Variants in SPAG16 observed in about 807,000 individuals in gnomAD.
SPAG16 encodes the protein sperm-associated antigen 16 protein.
A neutral mutation model predicts 80.4 loss-of-function variants in SPAG16; 86 were observed. That is an observed-to-expected ratio of 1.07 (90% confidence interval 0.90 to 1.28). SPAG16 has a LOEUF of 1.28. Ranked by LOEUF, SPAG16 falls within the 50% of genes most tolerant of loss-of-function variation. The pLI, the probability that SPAG16 is intolerant of heterozygous loss-of-function variation, is 0.00. For synonymous variants in SPAG16, 294 were observed against 265.9 expected (o/e 1.11, Z -1.03); for missense variants, 870 against 765.3 (o/e 1.14, Z -1.61).
At chr2:214,139,937 A>C (rs1366646373) in intron 14 of SPAG16, among the ~76,000 whole-genome samples, 1 of 152,202 alleles carries the variant, frequency 6.6e-6, no homozygotes, top group African/African-American at 2.4e-5. Flanking sequence ...CTAACTAAAA[A>C]ATCCCAAAAC....
intron 12 of SPAG16, among the ~76,000 whole-genome samples, chr2:214,011,621 G>A (rs927919536): frequency 2.0e-5 from 3 of 152,170 alleles, no homozygotes; most frequent in Non-Finnish European, 4.4e-5. Flanking sequence ...GTCAGTTCTG[G>A]GTCGTGGTTT....
Position 214,333,693 on chromosome 2 carries a change from C to G in SPAG16, c.1721-76447C>G, listed in dbSNP as rs140877989. ...TTAGGTAACATACCACTCTGCCATCCCCACACTGAGACTTGGAGGTCAGAC... is the reference window on the plus strand; with the variant it reads ...TTAGGTAACATACCACTCTGCCATCGCCACACTGAGACTTGGAGGTCAGAC... On this transcript the variant is annotated intron_variant, in intron 15 of 15. Transcript: ENST00000331683. Among the ~76,000 whole-genome samples, 18 of 152,276 alleles carry G rather than the reference C, an allele frequency of 1.2e-4. No homozygotes were observed. The East Asian group carries it at 3.1e-3, about 26-fold the overall frequency.
chr2:214,190,851 G>A (rs1029730982), intron 15 of SPAG16, among the ~76,000 whole-genome samples: 2 of 152,122 alleles, frequency 1.3e-5, no homozygotes, highest in South Asian at 4.1e-4. Flanking sequence ...CCAGCCTCCA[G>A]AACTGTGAGA....
In SPAG16 at chr2:213,966,161, G is replaced by C. The variant is rs1401215460; in HGVS notation, c.1400+36016G>C. On this transcript the variant is annotated intron_variant, in intron 12 of 15. Coordinates refer to ENST00000331683, the MANE Select transcript of SPAG16 (RefSeq NM_024532.5). ...AGCACTAGACTGGGCTCTGGGAGAA[G>C]ATGGAGACACATCTTCTTGGTTGTA... Among the ~76,000 whole-genome samples the C allele has an allele frequency of 2.0e-5, 3 of 152,160 alleles. No individual in the cohort carries two copies. In the East Asian group the frequency reaches 5.8e-4, roughly 29 times the overall value.
chr2:214,373,603 A>G (rs77568514), intron 15 of SPAG16, among the ~76,000 whole-genome samples: 521 of 152,276 alleles, frequency 3.4e-3, no homozygotes, highest in Middle Eastern at 0.017. Flanking sequence ...AAAGACCCCA[A>G]TCTATCAGAA....
chr2:213,787,679 A>G (rs1559469115), intron 10 of SPAG16, among the ~76,000 whole-genome samples: 1 of 152,052 alleles, frequency 6.6e-6, no homozygotes, highest in Non-Finnish European at 1.5e-5. Context: ...GATTTGTTTT[A>G]TTATTAAATT....
chr2:213,463,747 C>G (rs1281675627), intron 9 of SPAG16, among the ~76,000 whole-genome samples: 6 of 152,188 alleles, frequency 3.9e-5, no homozygotes, highest in Non-Finnish European at 2.9e-5. Flanking sequence ...TGGAGAAACT[C>G]TGCTAGGGGA....
chr2:213,749,079 G>A (rs1236046101), intron 10 of SPAG16, among the ~76,000 whole-genome samples: 2 of 152,042 alleles, frequency 1.3e-5, no homozygotes, highest in Non-Finnish European at 2.9e-5. Flanking sequence ...CCCGGGAGGC[G>A]GAGGTTGCAG....
At position 213,841,167 on chromosome 2, in the gene SPAG16, G is replaced by T. The variant is rs1432087370; in HGVS notation, c.1071-21318G>T. Among the ~76,000 whole-genome samples the T allele has an allele frequency of 2.6e-5, 4 of 152,186 alleles. No homozygotes were observed. In the East Asian group the frequency reaches 7.7e-4, roughly 29 times the overall value. ...CCCTTAAAAAAATGAGAGGGGGAAA[G>T]AAAGAGTATGTTCATTTGTATGTCA... On this transcript the variant is annotated intron_variant, in intron 10 of 15. Transcript: ENST00000331683.
At chr2:214,396,488 ATTG>A (rs1438539568) in intron 15 of SPAG16, among the ~76,000 whole-genome samples, 1 of 151,956 alleles carries the variant, frequency 6.6e-6, no homozygotes, top group East Asian at 1.9e-4. Context: ...TTAATGTTTT[ATTG>A]TTTTTATTTT....
At chr2:213,473,949 A>G (rs1300273236) in intron 9 of SPAG16, among the ~76,000 whole-genome samples, 1 of 152,190 alleles carries the variant, frequency 6.6e-6, no homozygotes, top group Non-Finnish European at 1.5e-5. Flanking sequence ...AGAAGAATCA[A>G]CATTATCTTT....
At chr2:214,377,729 G>C (rs1010538533) in intron 15 of SPAG16, among the ~76,000 whole-genome samples, 5 of 152,124 alleles carry the variant, frequency 3.3e-5, no homozygotes, top group Non-Finnish European at 7.4e-5. Context: ...GAGTATTGAA[G>C]GGTCAACCAT....
rs2106245725 is a variant in SPAG16 at position 213,930,131 on chromosome 2, T to C, written c.1386T>C (p.Ile462=). 2 of 1,613,544 alleles carry C rather than the reference T, an allele frequency of 1.2e-6. No individual in the cohort carries two copies. Among genetic ancestry groups the C allele is most frequent in the Non-Finnish European group, 8.5e-7 (1 of 1,179,702 alleles). The change falls in exon 12 of 16, where the codon ATT becomes ATC. Residue 462 remains isoleucine (I), a synonymous_variant. Coordinates refer to ENST00000331683, the MANE Select transcript of SPAG16 (RefSeq NM_024532.5). ...CCTCACTGGATAAAACTAGCAAAAT[T>C]TGGGATGTTAATAGGTAAGAAGTAC... ...ASSSLDKTSK[I]WDVNSERCRC... is the part of the protein sequence containing the mutation.
intron 9 of SPAG16, among the ~76,000 whole-genome samples, chr2:213,405,023 G>A (rs2068537855): frequency 6.6e-6 from 1 of 152,138 alleles, no homozygotes; most frequent in Admixed American, 6.5e-5. Flanking sequence ...TGTGCTTATG[G>A]TTGCTAGCTC....
chr2:213,514,892 AAG>A (rs2075365234), intron 10 of SPAG16, among the ~76,000 whole-genome samples: 1 of 152,086 alleles, frequency 6.6e-6, no homozygotes, highest in Non-Finnish European at 1.5e-5. Context: ...TTTTGATAAT[AAG>A]TAACCTACAC....
chr2:214,013,613 G>A (rs2047429871), intron 12 of SPAG16, among the ~76,000 whole-genome samples: 1 of 152,110 alleles, frequency 6.6e-6, no homozygotes, highest in East Asian at 1.9e-4. Flanking sequence ...TTTGTCTGAT[G>A]AATTAGTGCA....
At chr2:213,831,029 C>T (rs1245599429) in intron 10 of SPAG16, among the ~76,000 whole-genome samples, 3 of 140,676 alleles carry the variant, frequency 2.1e-5, no homozygotes, top group African/African-American at 7.8e-5. Flanking sequence ...AAAAGTGAAA[C>T]ATGACTTTTT....
intron 13 of SPAG16, among the ~76,000 whole-genome samples, chr2:214,085,193 A>G (rs1384119728): frequency 6.6e-6 from 1 of 152,140 alleles, no homozygotes; most frequent in Non-Finnish European, 1.5e-5. Flanking sequence ...AGAAAGTAGG[A>G]CGAACAAGAG....
chr2:213,543,905 A>G (rs1171649498), intron 10 of SPAG16, among the ~76,000 whole-genome samples: 4 of 152,116 alleles, frequency 2.6e-5, no homozygotes, highest in Non-Finnish European at 5.9e-5. Context: ...GAATAATTAC[A>G]TTGCTAAATG....
Sources: allele counts gnomAD v4.1 joint callset (sites outside exome capture counted in the v4.1 genomes callset), GRCh38; gene constraint gnomAD v4.1.1; transcripts MANE v1.5; gene names NCBI Gene and HGNC (gene_info 2026-07-23, HGNC 2026-07-21).